ADAMTSL1: variants seen among roughly 807,000 people sequenced by gnomAD.
ADAMTSL1 encodes ADAMTS like 1, also known as ADAMTS-like protein 1.
In ADAMTSL1, 126 loss-of-function variants were observed where a neutral mutation model predicts 201.8. That is an observed-to-expected ratio of 0.62 (90% CI 0.54 to 0.72). The LOEUF is 0.72. ADAMTSL1 is among the 30% of genes least tolerant of loss of function. The pLI is 0.00. For missense variants in ADAMTSL1, 2,679 were observed against 2,277.8 expected, an observed-to-expected ratio of 1.18 and a Z score of -3.59; for synonymous variants, 1,121 against 903.4, an observed-to-expected ratio of 1.24 and a Z score of -4.32.
intron 9 of ADAMTSL1, among the ~76,000 whole-genome samples, chr9:18,667,179 C>G (rs1829493885): frequency 6.6e-6 from 1 of 151,862 alleles, no homozygotes; most frequent in Admixed American, 6.6e-5. Context: ...AACTTGTATA[C>G]CCCCAAGCGG....
At chr9:18,607,876 C>T (rs1825128556) in intron 4 of ADAMTSL1, among the ~76,000 whole-genome samples, 1 of 152,108 alleles carries the variant, frequency 6.6e-6, no homozygotes, top group South Asian at 2.1e-4. Flanking sequence ...TGGTTTCCAG[C>T]TTCATCCATG....
chr9:18,705,388 C>CT (rs1158665355), intron 13 of ADAMTSL1, among the ~76,000 whole-genome samples: 3 of 151,954 alleles, frequency 2.0e-5, no homozygotes, highest in East Asian at 3.9e-4. Flanking sequence ...TGCTTCTGGG[C>CT]TTTTTTTTCC....
intron 4 of ADAMTSL1, among the ~76,000 whole-genome samples, chr9:18,578,526 T>C (rs976234332): frequency 6.6e-6 from 1 of 152,180 alleles, no homozygotes; most frequent in Non-Finnish European, 1.5e-5. Context: ...ACCATCTAGG[T>C]TGGAATCTAA....
At chr9:18,103,147 A>C (rs987356029) in intron 1 of ADAMTSL1, among the ~76,000 whole-genome samples, 1 of 152,196 alleles carries the variant, frequency 6.6e-6, no homozygotes, top group Non-Finnish European at 1.5e-5. Context: ...TTTACAGGAT[A>C]AAGAGATCTT....
At chr9:18,110,652 C>G (rs1173839379) in intron 1 of ADAMTSL1, among the ~76,000 whole-genome samples, 1 of 152,106 alleles carries the variant, frequency 6.6e-6, no homozygotes, top group African/African-American at 2.4e-5. Context: ...TTCTTGGTGA[C>G]TACCAAGCTG....
chr9:18,328,357 C>G (rs991844042), intron 2 of ADAMTSL1, among the ~76,000 whole-genome samples: 2 of 152,168 alleles, frequency 1.3e-5, no homozygotes, highest in African/African-American at 4.8e-5. Flanking sequence ...GTCTCTTTTT[C>G]TATATTCAAT....
Position 18,117,242 on chromosome 9 carries a change from C to T in ADAMTSL1, c.88-46620C>T, listed in dbSNP as rs187795091. Among the ~76,000 whole-genome samples the T allele has an allele frequency of 1.9e-3, 289 of 152,286 alleles. 3 individuals carry two copies. The highest frequency in any genetic ancestry group is 4.7e-4 in the Non-Finnish European group (32 of 68,024). ...AAAATACAATTTGGCTAATGTCCTT[C>T]TTCTGCTAAAATCTCTGTTGTCTGC... On this transcript the variant is annotated intron_variant, in intron 1 of 29. Coordinates refer to the ADAMTSL1 transcript ENST00000680146.
chr9:18,201,370 T>C (rs1287180422), intron 2 of ADAMTSL1, among the ~76,000 whole-genome samples: 20 of 152,176 alleles, frequency 1.3e-4, no homozygotes, highest in Admixed American at 1.3e-3. Flanking sequence ...GAGCATGCTT[T>C]GTTATGCTAA....
chr9:18,256,552 G>C (rs1831695025), intron 2 of ADAMTSL1, among the ~76,000 whole-genome samples: 1 of 152,168 alleles, frequency 6.6e-6, no homozygotes, highest in Non-Finnish European at 1.5e-5. Context: ...AAAAAGAAAT[G>C]GGCATAGACA....
chr9:18,226,588 A>T (rs1230662890), intron 2 of ADAMTSL1, among the ~76,000 whole-genome samples: 1 of 152,026 alleles, frequency 6.6e-6, no homozygotes, highest in Non-Finnish European at 1.5e-5. Context: ...CCTTCTCATG[A>T]TTCTGATCAG....
At chr9:18,233,149 T>C (rs1240020360) in intron 2 of ADAMTSL1, among the ~76,000 whole-genome samples, 1 of 152,170 alleles carries the variant, frequency 6.6e-6, no homozygotes. Flanking sequence ...AACAAGCACC[T>C]CCTTAGATTG....
intron 2 of ADAMTSL1, among the ~76,000 whole-genome samples, chr9:18,330,134 C>G (rs80239145): frequency 0.017 from 2,597 of 152,230 alleles, 64 homozygotes; most frequent in African/African-American, 0.058. Context: ...CTTATTTAAT[C>G]AGTTAGCTGA....
At chr9:17,930,359 G>T (rs1315371997) in intron 1 of ADAMTSL1, among the ~76,000 whole-genome samples, 2 of 152,062 alleles carry the variant, frequency 1.3e-5, no homozygotes, top group Non-Finnish European at 2.9e-5. Context: ...TTTTCTTGGG[G>T]GTAGTCCTGG....
intron 2 of ADAMTSL1, among the ~76,000 whole-genome samples, chr9:18,364,940 C>T (rs1836702410): frequency 6.6e-6 from 1 of 152,118 alleles, no homozygotes; most frequent in Non-Finnish European, 1.5e-5. Context: ...ACTCCGCCCC[C>T]ATGATCCAAT....
At chr9:17,977,752 G>C (rs1388108455) in intron 1 of ADAMTSL1, among the ~76,000 whole-genome samples, 6 of 151,928 alleles carry the variant, frequency 3.9e-5, no homozygotes, top group Non-Finnish European at 7.4e-5. Flanking sequence ...GTGTGTTCTT[G>C]AAGAAGATGT....
intron 1 of ADAMTSL1, among the ~76,000 whole-genome samples, chr9:17,963,028 G>C (rs1817823083): frequency 6.6e-6 from 1 of 152,232 alleles, no homozygotes. Flanking sequence ...CTTGCATTTA[G>C]CTACCTTTTG....
intron 2 of ADAMTSL1, among the ~76,000 whole-genome samples, chr9:18,301,828 C>T (rs555901262): frequency 1.3e-5 from 2 of 152,246 alleles, no homozygotes; most frequent in Admixed American, 1.3e-4. Flanking sequence ...AGTCTGTTGT[C>T]TTTATTTCTA....
chr9:18,115,256 G>C (rs1161549350), intron 1 of ADAMTSL1, among the ~76,000 whole-genome samples: 1 of 152,060 alleles, frequency 6.6e-6, no homozygotes, highest in Non-Finnish European at 1.5e-5. Context: ...CTGACGTCAA[G>C]GTGATGAAAA....
chr9:18,143,751 T>C (rs1266845631), intron 1 of ADAMTSL1, among the ~76,000 whole-genome samples: 2 of 152,204 alleles, frequency 1.3e-5, no homozygotes. Flanking sequence ...AGGGCTGAAC[T>C]GGAGCTTAAA....
Sources: allele counts gnomAD v4.1 joint callset (sites outside exome capture counted in the v4.1 genomes callset), GRCh38; gene constraint gnomAD v4.1.1; transcripts MANE v1.5; gene names NCBI Gene and HGNC (gene_info 2026-07-23, HGNC 2026-07-21).